CCDC172: variants seen among roughly 807,000 people sequenced by gnomAD.
CCDC172 encodes the protein coiled-coil domain containing 172, also known as coiled-coil domain-containing protein 172.
Under a neutral mutation model 38.0 loss-of-function variants are expected in CCDC172, and 30 were observed. The ratio of observed to expected loss-of-function variants is 0.79; its 90% CI spans 0.59 to 1.07. The LOEUF is 1.07. CCDC172 is among the 50% of genes least tolerant of loss of function. CCDC172 has a pLI of 0.00. For synonymous variants in CCDC172, 78 were observed against 88.3 expected (o/e 0.88, Z 0.66); for missense variants, 297 against 290.1 (o/e 1.02, Z -0.17).
chr10:116,328,472 A>G (rs1374405215), intron 3 of CCDC172, among the ~76,000 whole-genome samples: 1 of 152,134 alleles, frequency 6.6e-6, no homozygotes, highest in African/African-American at 2.4e-5. Context: ...AGCTTCTTCT[A>G]TTTTTAAAAA....
At chr10:116,343,020 C>G (rs1473594701) in intron 5 of CCDC172, among the ~76,000 whole-genome samples, 1 of 151,938 alleles carries the variant, frequency 6.6e-6, no homozygotes, top group Non-Finnish European at 1.5e-5. Context: ...TATAGTAGTG[C>G]AAGAATGGAC....
intron 7 of CCDC172, among the ~76,000 whole-genome samples, chr10:116,359,729 A>G (rs975869996): frequency 6.6e-6 from 1 of 152,338 alleles, no homozygotes; most frequent in South Asian, 2.1e-4. Flanking sequence ...TAAGAAAGCA[A>G]TTACAGAGGA....
At chr10:116,375,881 C>T (rs1845238543) in intron 7 of CCDC172, among the ~76,000 whole-genome samples, 1 of 152,090 alleles carries the variant, frequency 6.6e-6, no homozygotes, top group South Asian at 2.1e-4. Context: ...GAAACAGATG[C>T]TGGAGAGGAT....
intron 5 of CCDC172, among the ~76,000 whole-genome samples, chr10:116,348,324 C>G (rs1844891476): frequency 6.6e-6 from 1 of 152,026 alleles, no homozygotes; most frequent in African/African-American, 2.4e-5. Context: ...CTAATTCGTG[C>G]CACCACATCT....
intron 7 of CCDC172, among the ~76,000 whole-genome samples, chr10:116,371,404 A>G (rs1237484391): frequency 6.6e-6 from 1 of 151,800 alleles, no homozygotes; most frequent in African/African-American, 2.4e-5. Flanking sequence ...AATAGATCTT[A>G]GTGTATTATT....
Position 116,366,845 on chromosome 10 carries a change from T to C in CCDC172, c.653+8907T>C, listed in dbSNP as rs193169455. 1.8e-3 allele frequency among the ~76,000 whole-genome samples: 274 copies of C among 152,350 alleles called. 6 individuals are homozygous for C. Among genetic ancestry groups the C allele is most frequent in the Non-Finnish European group, 6.9e-4 (47 of 68,022 alleles). The stretch of plus-strand genomic sequence containing the variant: ...AATGCTTTTTAAAGACTTTTTAGTT[T>C]TTGCCAATCTTGTGGACATAAGATG... On this transcript the variant is annotated intron_variant, in intron 7 of 8. Coordinates refer to ENST00000333254, the MANE Select transcript of CCDC172 (RefSeq NM_198515.3).
intron 5 of CCDC172, among the ~76,000 whole-genome samples, chr10:116,345,470 A>T (rs1160328195): frequency 6.6e-6 from 1 of 152,198 alleles, no homozygotes; most frequent in African/African-American, 2.4e-5. Context: ...CATGAACCGT[A>T]AAAAGAAAAA....
chr10:116,357,370 C>T lies in CCDC172; in HGVS notation c.449-10C>T. ...TATTTTATTTTTGATGCTTTTGTAT[C>T]TGTTTCTAGAAATGAAGTCAATGGA... On this transcript the variant is annotated splice_polypyrimidine_tract_variant and intron_variant, in intron 5 of 8. Coordinates refer to ENST00000333254, the MANE Select transcript of CCDC172 (RefSeq NM_198515.3). 6.7e-7 allele frequency: 1 copy of T among 1,500,762 alleles called. No individual in the cohort carries two copies. The highest frequency in any genetic ancestry group is 9.0e-7 in the Non-Finnish European group (1 of 1,112,838). The allele number at this position is 1,500,762 out of a possible 1,614,324, so 93.0% of individuals were successfully genotyped here.
intron 5 of CCDC172, 50 bp from the exon 6 acceptor site, chr10:116,357,330 A>G: frequency 8.1e-7 from 1 of 1,239,104 alleles, no homozygotes; most frequent in East Asian, 2.7e-5. Context: ...TTCCGGGGTT[A>G]AATTTATTTC....
At chr10:116,363,947 A>T (rs4237499) in intron 7 of CCDC172, among the ~76,000 whole-genome samples, 126,631 of 136,136 alleles carry the variant, frequency 0.93, 59,224 homozygotes, top group East Asian at 0.98. Flanking sequence ...AAAAAAAAAA[A>T]AATAATAATA....
At chr10:116,370,530 A>G (rs1670799173) in intron 7 of CCDC172, among the ~76,000 whole-genome samples, 1 of 151,834 alleles carries the variant, frequency 6.6e-6, no homozygotes, top group Admixed American at 6.6e-5. Context: ...TTCCATTTAT[A>G]CTTTACTCTG....
chr10:116,365,730 G>T (rs929999237), intron 7 of CCDC172, among the ~76,000 whole-genome samples: 2 of 152,092 alleles, frequency 1.3e-5, no homozygotes, highest in Non-Finnish European at 2.9e-5. Context: ...GCTGCATAAT[G>T]ACATTTCAAT....
intron 3 of CCDC172, among the ~76,000 whole-genome samples, chr10:116,336,795 G>A (rs1042881236): frequency 6.6e-6 from 1 of 152,022 alleles, no homozygotes; most frequent in African/African-American, 2.4e-5. Context: ...CCACAACAAA[G>A]AGGACCTATG....
intron 5 of CCDC172, among the ~76,000 whole-genome samples, chr10:116,347,798 T>G (rs1411618501): frequency 6.6e-6 from 1 of 152,138 alleles, no homozygotes; most frequent in Admixed American, 6.5e-5. Flanking sequence ...TGATACAACT[T>G]GATTTCACTG....
chr10:116,338,460 CAAA>C (rs1363368694), intron 3 of CCDC172, among the ~76,000 whole-genome samples: 1 of 151,796 alleles, frequency 6.6e-6, no homozygotes, highest in Non-Finnish European at 1.5e-5. Flanking sequence ...AAAATAAAAA[CAAA>C]GAAGCAGAGA....
chr10:116,376,591 G>T, intron 7 of CCDC172, among the ~76,000 whole-genome samples: 1 of 152,080 alleles, frequency 6.6e-6, no homozygotes, highest in Non-Finnish European at 1.5e-5. Context: ...TGCTGATTTG[G>T]CAATAAATTT....
chr10:116,358,857 G>A (rs1845032316), intron 7 of CCDC172, among the ~76,000 whole-genome samples: 2 of 151,998 alleles, frequency 1.3e-5, no homozygotes, highest in Admixed American at 1.3e-4. Context: ...GCCCACTGGT[G>A]TCATTAGAGT....
chr10:116,366,420 T>C (rs1845123014), intron 7 of CCDC172, among the ~76,000 whole-genome samples: 1 of 152,202 alleles, frequency 6.6e-6, no homozygotes, highest in Non-Finnish European at 1.5e-5. Flanking sequence ...ACAGCATGCA[T>C]TTATCATCTA....
At chr10:116,369,201 A>G (rs1845158988) in intron 7 of CCDC172, among the ~76,000 whole-genome samples, 1 of 151,938 alleles carries the variant, frequency 6.6e-6, no homozygotes, top group Non-Finnish European at 1.5e-5. Context: ...CTTTTCGTCT[A>G]ACTTTAGGGC....
Sources: allele counts gnomAD v4.1 joint callset (sites outside exome capture counted in the v4.1 genomes callset), GRCh38; gene constraint gnomAD v4.1.1; transcripts MANE v1.5; gene names NCBI Gene and HGNC (gene_info 2026-07-23, HGNC 2026-07-21).